Variants in TRMT1L observed in about 807,000 individuals in gnomAD.
TRMT1L encodes tRNA (guanine(27)-N(2))-dimethyltransferase.
Under a neutral mutation model 81.6 loss-of-function variants are expected in TRMT1L, and 28 were observed. The observed-to-expected ratio is 0.34, with a 90% CI of 0.25 to 0.47. The LOEUF is 0.47. Ranked by LOEUF, TRMT1L falls within the 20% of genes least tolerant of loss-of-function variation. TRMT1L has a pLI of 1.00. For missense variants in TRMT1L, 739 were observed against 877.1 expected (o/e 0.84, Z 1.99); for synonymous variants, 301 against 303.2 (o/e 0.99, Z 0.07).
intron 10 of TRMT1L, among the ~76,000 whole-genome samples, chr1:185,135,862 C>A (rs1477491743): frequency 6.6e-6 from 1 of 151,582 alleles, no homozygotes; most frequent in African/African-American, 2.4e-5. Context: ...TAAAATACAA[C>A]AACATATTAA....
intron 2 of TRMT1L, 76 bp downstream of exon 2, chr1:185,151,748 CA>C (rs1239837280): frequency 9.1e-6 from 9 of 993,710 alleles, no homozygotes; most frequent in Non-Finnish European, 1.3e-5. Flanking sequence ...CTACTCTTAC[CA>C]AACTTATTTT....
chr1:185,125,043 C>G lies in TRMT1L; in HGVS notation c.1660G>C (p.Asp554His), dbSNP rs1317299108. ...GTCTTTATTAGGGTCTGAATGTCAT[C>G]CAAACCATGGTGAAGAGATTCAAAT... ...MLFESLHHGLDDIQTLIKTLI... is the reference protein window; with the variant it reads ...MLFESLHHGLHDIQTLIKTLI... Residue 554 changes from aspartate to histidine, a missense_variant, in exon 12 of 15, where the codon GAT (aspartate) becomes CAT (histidine). By Grantham distance (81) the Asp-to-His change is moderately conservative. Coordinates refer to ENST00000367506, the MANE Select transcript of TRMT1L (RefSeq NM_030934.5). 1.9e-6 allele frequency: 3 copies of G among 1,613,094 alleles called. No homozygotes were observed. In the South Asian group the frequency reaches 3.3e-5, roughly 18 times the overall value.
intron 4 of TRMT1L, among the ~76,000 whole-genome samples, chr1:185,146,832 C>G (rs1281045552): frequency 2.0e-5 from 3 of 152,016 alleles, no homozygotes; most frequent in Non-Finnish European, 2.9e-5. Context: ...AAGATATTTA[C>G]TAAATCACAG....
chr1:185,152,873 A>G (rs535955478), intron 1 of TRMT1L, among the ~76,000 whole-genome samples: 14 of 152,340 alleles, frequency 9.2e-5, no homozygotes, highest in African/African-American at 2.9e-4. Flanking sequence ...CTGGTACAGT[A>G]TTCCAGCAAT....
At chr1:185,149,410 C>T (rs996229429) in intron 3 of TRMT1L, among the ~76,000 whole-genome samples, 2 of 151,758 alleles carry the variant, frequency 1.3e-5, no homozygotes, top group Non-Finnish European at 2.9e-5. Flanking sequence ...TCAAGCAGTC[C>T]TACCACCTGA....
intron 1 of TRMT1L, among the ~76,000 whole-genome samples, chr1:185,155,290 T>C (rs941685554): frequency 1.3e-5 from 2 of 152,166 alleles, no homozygotes; most frequent in Admixed American, 1.3e-4. Flanking sequence ...AACTTCGAAG[T>C]GAGGTAGGAG....
At position 185,119,713 on chromosome 1, in the gene TRMT1L, T is replaced by G; in HGVS notation, c.*306A>C. 1 of 224,772 alleles carries G rather than the reference T, an allele frequency of 4.4e-6. No individual in the cohort carries two copies. Among genetic ancestry groups the G allele is most frequent in the Non-Finnish European group, 8.7e-6 (1 of 114,612 alleles). The allele number at this position is 224,772 out of a possible 1,614,324, so 13.9% of individuals were successfully genotyped here. On this transcript the variant is annotated 3_prime_UTR_variant, in exon 15 of 15. Transcript: ENST00000367506. Reference sequence around the variant, plus strand: ...TAAAAGATGGCTTTCATAACATACATAAAATTCCAAACACTTTGCATGTGA... The same window carrying G: ...TAAAAGATGGCTTTCATAACATACAGAAAATTCCAAACACTTTGCATGTGA...
intron 10 of TRMT1L, among the ~76,000 whole-genome samples, chr1:185,133,672 A>G (rs1451396961): frequency 6.7e-6 from 1 of 148,394 alleles, no homozygotes; most frequent in Non-Finnish European, 1.5e-5. Flanking sequence ...ACCATAGCTC[A>G]CTGCAGCCTT....
At position 185,145,467 on chromosome 1, in the gene TRMT1L, T is replaced by C; in HGVS notation, c.627A>G (p.Lys209=). ...CAATATAACTAGATTTAGTCTCTCC[T>C]TTATTCATGTGGCGCCTAACATGTC... is the stretch of plus-strand genomic sequence containing the variant. ...MLGHVRRHMN[K]GETKSSYIAA... The change falls in exon 5 of 15, where the codon AAA becomes AAG. Residue 209 remains lysine, a synonymous_variant. Transcript: ENST00000367506. 1 of 1,611,788 alleles carries C rather than the reference T, an allele frequency of 6.2e-7. No homozygotes were observed. Among genetic ancestry groups the C allele is most frequent in the Non-Finnish European group, 8.5e-7 (1 of 1,178,424 alleles).
chr1:185,122,674 T>C, intron 13 of TRMT1L, among the ~76,000 whole-genome samples: 1 of 150,062 alleles, frequency 6.7e-6, no homozygotes, highest in East Asian at 2.0e-4. Flanking sequence ...ATAATACTCT[T>C]AAATCTAATT....
At chr1:185,125,589 G>T (rs941971009) in intron 11 of TRMT1L, among the ~76,000 whole-genome samples, 1 of 152,188 alleles carries the variant, frequency 6.6e-6, no homozygotes, top group African/African-American at 2.4e-5. Context: ...AGGGGAGAAG[G>T]GAGAGGGTGA....
intron 9 of TRMT1L, among the ~76,000 whole-genome samples, chr1:185,138,371 A>G (rs1291021619): frequency 6.6e-6 from 1 of 152,152 alleles, no homozygotes; most frequent in African/African-American, 2.4e-5. Context: ...GACATTTTTA[A>G]GTATGTGCAG....
At chr1:185,142,590 C>CA (rs1557990280) in intron 7 of TRMT1L, among the ~76,000 whole-genome samples, 1 of 145,052 alleles carries the variant, frequency 6.9e-6, no homozygotes, top group East Asian at 2.0e-4. Flanking sequence ...CATCACAACA[C>CA]AAAAAAAGAG....
chr1:185,119,946 A>G lies in TRMT1L; in HGVS notation c.*73T>C. The G allele has an allele frequency of 7.0e-7, 1 of 1,427,742 alleles. No homozygotes were observed. Among genetic ancestry groups the G allele is most frequent in the Non-Finnish European group, 9.3e-7 (1 of 1,071,316 alleles). The allele number at this position is 1,427,742 out of a possible 1,614,324, so 88.4% of individuals were successfully genotyped here. On this transcript the variant is annotated 3_prime_UTR_variant, in exon 15 of 15. Coordinates refer to ENST00000367506, the MANE Select transcript of TRMT1L (RefSeq NM_030934.5). ...ACTCTACTGAATTGAAAGAACAGAAAAAGAACTACAGTTGGTATAGAGAAC... is the reference window on the plus strand; with the variant it reads ...ACTCTACTGAATTGAAAGAACAGAAGAAGAACTACAGTTGGTATAGAGAAC...
At chr1:185,138,064 T>C (rs896051891) in intron 9 of TRMT1L, among the ~76,000 whole-genome samples, 3 of 152,200 alleles carry the variant, frequency 2.0e-5, no homozygotes, top group Non-Finnish European at 4.4e-5. Context: ...ATTTTCTGGT[T>C]TTCAGTCATT....
chr1:185,140,094 C>T lies in TRMT1L; in HGVS notation c.988G>A (p.Asp330Asn). The T allele has an allele frequency of 6.2e-7, 1 of 1,613,804 alleles. No homozygotes were observed. Among genetic ancestry groups the T allele is most frequent in the Non-Finnish European group, 8.5e-7 (1 of 1,179,868 alleles). The change falls in exon 8 of 15, where the codon GAC becomes AAC. Residue 330 changes from aspartate to asparagine, a missense_variant. Around this residue, in one of 4 missense-constraint regions of TRMT1L, gnomAD observed 331 missense variants for 462.2 expected, o/e 0.72. Coordinates refer to ENST00000367506, the MANE Select transcript of TRMT1L (RefSeq NM_030934.5). ...TCACTCTTTTCCTTTTCCTTACTGT[C>T]CACCACCACTTTCAATTTGTTTAAA... The part of the protein sequence containing the change: ...CHLNKLKVVV[D>N]SKEKEKSDDI...
At chr1:185,152,687 G>A (rs1033610600) in intron 1 of TRMT1L, among the ~76,000 whole-genome samples, 2 of 152,050 alleles carry the variant, frequency 1.3e-5, no homozygotes, top group Non-Finnish European at 2.9e-5. Context: ...ACAGAACTTG[G>A]GATATGAGAA....
chr1:185,150,866 T>C (rs1386315943), intron 2 of TRMT1L, among the ~76,000 whole-genome samples: 1 of 152,186 alleles, frequency 6.6e-6, no homozygotes, highest in African/African-American at 2.4e-5. Flanking sequence ...GGACAGGGAT[T>C]GGACAAAGAG....
intron 4 of TRMT1L, among the ~76,000 whole-genome samples, chr1:185,146,570 T>C (rs1653193713): frequency 6.6e-6 from 1 of 152,080 alleles, no homozygotes; most frequent in African/African-American, 2.4e-5. Flanking sequence ...TATTTTCTTT[T>C]TTGTCAACAC....
Sources: allele counts gnomAD v4.1 joint callset (sites outside exome capture counted in the v4.1 genomes callset), GRCh38; gene constraint gnomAD v4.1.1; regional missense constraint gnomAD v4.1.1; transcripts MANE v1.5; gene names NCBI Gene and HGNC (gene_info 2026-07-23, HGNC 2026-07-21).